MAPK4: variants seen among roughly 807,000 people sequenced by gnomAD.
The protein encoded by MAPK4 is mitogen-activated protein kinase 4.
A neutral mutation model predicts 47.7 loss-of-function variants in MAPK4; 22 were observed. That is an observed-to-expected ratio of 0.46 (90% CI 0.33 to 0.66). The LOEUF (loss-of-function observed/expected upper bound fraction) is 0.66. MAPK4 is among the 30% of genes least tolerant of loss of function. MAPK4 has a pLI of 0.02. For missense variants in MAPK4, 736 were observed against 831.7 expected (o/e 0.88, Z 1.42); for synonymous variants, 390 against 365.7 (o/e 1.07, Z -0.76).
chr18:50,638,214 GA>G lies in MAPK4; in HGVS notation c.-870-24869del, dbSNP rs145229788. On this transcript the variant is annotated intron_variant, in intron 1 of 5. Transcript: ENST00000400384. ...CTGTTTGGCAGCTATTTCTAGAGTG[GA>G]AAAAATCTCTGCCTCATTTTAGATT... Among the ~76,000 whole-genome samples the G allele has an allele frequency of 7.3e-3, 1,105 of 152,230 alleles. 10 individuals are homozygous for G. Among genetic ancestry groups the G allele is most frequent in the African/African-American group, 0.025 (1,056 of 41,500 alleles).
chr18:50,587,005 T>TA lies in MAPK4; in HGVS notation c.-871+26768dup, dbSNP rs202012369. Among the ~76,000 whole-genome samples, 575 of 152,332 alleles carry TA rather than the reference T, an allele frequency of 3.8e-3. 4 individuals are homozygous for TA. The highest frequency in any genetic ancestry group is 6.8e-3 in the Middle Eastern group (2 of 294). ...AATAAAATTATGAAATGACAGCTGG[T>TA]AAAAAACAATTTCATATTTTTCAAA... On this transcript the variant is annotated intron_variant, in intron 1 of 5. Coordinates refer to ENST00000400384, the MANE Select transcript of MAPK4 (RefSeq NM_002747.4).
chr18:50,639,498 T>C (rs150716487), intron 1 of MAPK4, among the ~76,000 whole-genome samples: 1 of 152,288 alleles, frequency 6.6e-6, no homozygotes, highest in East Asian at 1.9e-4. Context: ...ATATGGTCAT[T>C]GTAGAAAATT....
chr18:50,644,915 C>G (rs531497966), intron 1 of MAPK4, among the ~76,000 whole-genome samples: 4 of 152,338 alleles, frequency 2.6e-5, no homozygotes, highest in Admixed American at 6.5e-5. Flanking sequence ...CCCACTCCCA[C>G]CTCCATCCTC....
At chr18:50,671,989 A>T (rs1345242053) in intron 2 of MAPK4, among the ~76,000 whole-genome samples, 1 of 152,106 alleles carries the variant, frequency 6.6e-6, no homozygotes, top group Non-Finnish European at 1.5e-5. Flanking sequence ...AAAAACACAC[A>T]GAAAGCTCTC....
At chr18:50,617,535 T>C (rs2042695040) in intron 1 of MAPK4, among the ~76,000 whole-genome samples, 1 of 152,180 alleles carries the variant, frequency 6.6e-6, no homozygotes, top group African/African-American at 2.4e-5. Flanking sequence ...CAAATTCCAG[T>C]CTGTTCCACC....
intron 2 of MAPK4, among the ~76,000 whole-genome samples, chr18:50,689,502 A>G (rs1909093519): frequency 6.6e-6 from 1 of 151,972 alleles, no homozygotes. Context: ...CAGGGGGAAT[A>G]GATGTTTTAG....
At chr18:50,653,385 G>C (rs1360250147) in intron 1 of MAPK4, among the ~76,000 whole-genome samples, 1 of 152,170 alleles carries the variant, frequency 6.6e-6, no homozygotes, top group Non-Finnish European at 1.5e-5. Flanking sequence ...TCAGAGGCTA[G>C]AGACAGTGAG....
Position 50,729,587 on chromosome 18 carries a change from C to G in MAPK4, c.1497C>G (p.Ser499Arg). The G allele has an allele frequency of 7.1e-7, 1 of 1,407,902 alleles. No individual in the cohort carries two copies. The highest frequency in any genetic ancestry group is 9.2e-7 in the Non-Finnish European group (1 of 1,081,890). The allele number at this position is 1,407,902 out of a possible 1,614,324, so 87.2% of individuals were successfully genotyped here. A position where few individuals can be genotyped will look rare whatever the true frequency, so the allele number is the denominator to read the frequency against. Residue 499 changes from serine (S) to arginine (R), a missense_variant, in exon 6 of 6, where the codon AGC becomes AGG. By Grantham distance (110) the Ser-to-Arg change is moderately radical. Around this residue, in one of 3 missense-constraint regions of MAPK4, gnomAD observed 377 missense variants for 378.6 expected, o/e 1.00. Coordinates refer to ENST00000400384, the MANE Select transcript of MAPK4 (RefSeq NM_002747.4). ...LFLEIAQWVK[S>R]TQGGPEHASP... ...TGGAGATCGCGCAGTGGGTCAAGAG[C>G]ACGCAGGGCGGCCCAGAGCACGCCA...
intron 2 of MAPK4, among the ~76,000 whole-genome samples, chr18:50,674,258 T>C (rs554026041): frequency 1.3e-5 from 2 of 152,368 alleles, no homozygotes; most frequent in East Asian, 3.9e-4. Flanking sequence ...AGATATTCTT[T>C]GGTTTATATC....
At chr18:50,605,741 G>T (rs1007016428) in intron 1 of MAPK4, among the ~76,000 whole-genome samples, 2 of 152,176 alleles carry the variant, frequency 1.3e-5, no homozygotes, top group African/African-American at 4.8e-5. Flanking sequence ...TCCTTCCGGG[G>T]CAGGCCTTCC....
chr18:50,562,441 C>G (rs2042162010), intron 1 of MAPK4, among the ~76,000 whole-genome samples: 1 of 150,062 alleles, frequency 6.7e-6, no homozygotes, highest in Non-Finnish European at 1.5e-5. Flanking sequence ...AAAAAAGACA[C>G]CTCCTAAACA....
At chr18:50,594,147 A>C (rs1342893500) in intron 1 of MAPK4, among the ~76,000 whole-genome samples, 1 of 152,220 alleles carries the variant, frequency 6.6e-6, no homozygotes, top group Non-Finnish European at 1.5e-5. Context: ...TGAAAGCCGG[A>C]AGACTCAGCA....
chr18:50,681,408 A>T (rs374616920), intron 2 of MAPK4, among the ~76,000 whole-genome samples: 1 of 152,204 alleles, frequency 6.6e-6, no homozygotes, highest in East Asian at 1.9e-4. Flanking sequence ...TTTGAAGCAC[A>T]GAAGTTTTTC....
intron 1 of MAPK4, among the ~76,000 whole-genome samples, chr18:50,612,494 A>G (rs1204209634): frequency 1.3e-5 from 2 of 152,148 alleles, no homozygotes; most frequent in Non-Finnish European, 2.9e-5. Context: ...ATTAAACAGG[A>G]CTTGTGAGGG....
intron 1 of MAPK4, among the ~76,000 whole-genome samples, chr18:50,650,731 G>A (rs1485884915): frequency 6.6e-6 from 1 of 152,228 alleles, no homozygotes; most frequent in Non-Finnish European, 1.5e-5. Flanking sequence ...CTCCAGCTCT[G>A]TTGTAGTGAA....
At chr18:50,589,247 C>T (rs1244502499) in intron 1 of MAPK4, among the ~76,000 whole-genome samples, 2 of 152,160 alleles carry the variant, frequency 1.3e-5, no homozygotes, top group African/African-American at 4.8e-5. Context: ...AAACTCAATT[C>T]ATACAGGCAT....
intron 1 of MAPK4, among the ~76,000 whole-genome samples, chr18:50,637,559 C>T (rs1435058077): frequency 6.6e-6 from 1 of 152,236 alleles, no homozygotes; most frequent in African/African-American, 2.4e-5. Context: ...AGTGTGGCCC[C>T]AGCCAGGCTA....
chr18:50,610,230 A>G (rs2042620721), intron 1 of MAPK4, among the ~76,000 whole-genome samples: 1 of 152,214 alleles, frequency 6.6e-6, no homozygotes, highest in South Asian at 2.1e-4. Flanking sequence ...CCCAAGGCCA[A>G]GGGAACAGAG....
At chr18:50,584,292 G>A (rs1346771614) in intron 1 of MAPK4, among the ~76,000 whole-genome samples, 1 of 152,100 alleles carries the variant, frequency 6.6e-6, no homozygotes, top group Non-Finnish European at 1.5e-5. Flanking sequence ...GATGTTCTGG[G>A]GTTATGGTGG....
Sources: gnomAD v4.1 joint callset for allele counts (sites outside exome capture counted in the v4.1 genomes callset) on GRCh38, gnomAD v4.1.1 for gene constraint, gnomAD v4.1.1 regional missense constraint, MANE v1.5 for transcripts, NCBI Gene and HGNC (gene_info 2026-07-23, HGNC 2026-07-21) for gene names.